The following SLC14A2 variants were observed in gnomAD, a reference collection of about 807,000 sequenced individuals.
SLC14A2 encodes the protein urea transporter 2.
SLC14A2 carries 91 observed loss-of-function variants against 104.6 expected under a neutral mutation model. The ratio of observed to expected loss-of-function variants is 0.87; its 90% CI spans 0.73 to 1.04. The LOEUF (loss-of-function observed/expected upper bound fraction) is 1.04, where lower values mean the gene tolerates loss of function less well. SLC14A2 is among the 50% of genes least tolerant of loss of function. The pLI is 0.00. For missense variants in SLC14A2, 1,189 were observed against 1,156.0 expected, an observed-to-expected ratio of 1.03 and a Z score of -0.41; for synonymous variants, 476 against 466.4, an observed-to-expected ratio of 1.02 and a Z score of -0.27.
intron 2 of SLC14A2, among the ~76,000 whole-genome samples, chr18:45,602,514 A>G (rs1232540306): frequency 6.6e-6 from 1 of 152,212 alleles, no homozygotes; most frequent in Non-Finnish European, 1.5e-5. Context: ...CCAAGGGTGG[A>G]GTTAGCATAG....
chr18:45,240,187 C>G (rs1216276646), intron 1 of SLC14A2, among the ~76,000 whole-genome samples: 1 of 148,934 alleles, frequency 6.7e-6, no homozygotes, highest in Non-Finnish European at 1.5e-5. Context: ...ACCTCTGCCT[C>G]CTGGGTTCAA....
intron 1 of SLC14A2, among the ~76,000 whole-genome samples, chr18:45,259,748 A>G (rs1270278331): frequency 6.6e-6 from 1 of 152,138 alleles, no homozygotes; most frequent in Non-Finnish European, 1.5e-5. Context: ...GAAGGGTAAT[A>G]TTTTATTTCT....
chr18:45,321,712 G>A (rs1217551065), intron 1 of SLC14A2, among the ~76,000 whole-genome samples: 6 of 152,316 alleles, frequency 3.9e-5, no homozygotes, highest in Non-Finnish European at 5.9e-5. Flanking sequence ...CAGTAATCAC[G>A]GAGGCAGGCA....
intron 1 of SLC14A2, among the ~76,000 whole-genome samples, chr18:45,465,700 C>A (rs945149083): frequency 6.6e-6 from 1 of 152,152 alleles, no homozygotes; most frequent in Non-Finnish European, 1.5e-5. Flanking sequence ...TAGGAGCCCA[C>A]CTGACCCAGG....
intron 1 of SLC14A2, among the ~76,000 whole-genome samples, chr18:45,396,174 T>C (rs942296822): frequency 1.3e-5 from 2 of 152,188 alleles, no homozygotes; most frequent in African/African-American, 4.8e-5. Flanking sequence ...TCTTTATGTT[T>C]ATCCTGATTA....
intron 2 of SLC14A2, among the ~76,000 whole-genome samples, chr18:45,540,755 CAATAAT>C (rs751389092): frequency 1.3e-5 from 2 of 151,860 alleles, no homozygotes; most frequent in East Asian, 1.9e-4. Context: ...AAATTAATAA[CAATAAT>C]AATAATAATC....
chr18:45,680,976 C>T (rs1051134259), intron 19 of SLC14A2, among the ~76,000 whole-genome samples: 4 of 152,132 alleles, frequency 2.6e-5, no homozygotes, highest in African/African-American at 4.8e-5. Context: ...TTCCCCAAGA[C>T]GCACCCAACG....
chr18:45,612,445 C>T (rs1311414958), upstream of SLC14A2, among the ~76,000 whole-genome samples: 1 of 152,218 alleles, frequency 6.6e-6, no homozygotes, highest in East Asian at 1.9e-4. Flanking sequence ...CCTGAAGATG[C>T]TCAGACACAC....
chr18:45,225,840 G>T (rs1038570245), intron 1 of SLC14A2, among the ~76,000 whole-genome samples: 3 of 152,154 alleles, frequency 2.0e-5, no homozygotes, highest in Non-Finnish European at 4.4e-5. Flanking sequence ...CACTGACTTT[G>T]TATCCTGAGA....
chr18:45,388,064 CTTTTTTTTTTTTTTTTTTTT>C (rs58962313), intron 1 of SLC14A2, among the ~76,000 whole-genome samples: 30 of 69,092 alleles, frequency 4.3e-4, no homozygotes, highest in Non-Finnish European at 6.1e-4. Context: ...TTGCTCATAT[CTTTTTTTTTTTTTTTTTTTT>C]TTTTTTTTTT....
the SLC14A2 span, among the ~76,000 whole-genome samples, chr18:45,202,546 A>G: frequency 1.3e-5 from 2 of 152,110 alleles, no homozygotes; most frequent in African/African-American, 4.8e-5. Context: ...TCGTTTTGTG[A>G]TAATCATAGC....
chr18:45,457,687 TAAAA>T (rs3058359), intron 1 of SLC14A2, among the ~76,000 whole-genome samples: 46 of 144,152 alleles, frequency 3.2e-4, no homozygotes, highest in Non-Finnish European at 3.8e-4. Flanking sequence ...TTATGGAGGT[TAAAA>T]AAAAAAAAAA....
At chr18:45,532,704 G>A (rs1186501778) in intron 2 of SLC14A2, among the ~76,000 whole-genome samples, 1 of 151,878 alleles carries the variant, frequency 6.6e-6, no homozygotes, top group East Asian at 1.9e-4. Flanking sequence ...TCTCCTGCCT[G>A]ATTGCCCTGG....
intron 1 of SLC14A2, among the ~76,000 whole-genome samples, chr18:45,460,722 T>C (rs903229947): frequency 2.0e-5 from 3 of 152,298 alleles, no homozygotes; most frequent in African/African-American, 7.2e-5. Context: ...TTTCATGTTC[T>C]TCCTCCCCTG....
rs562843779 is a variant in SLC14A2 at position 45,574,784 on chromosome 18, A to C, written c.-34-49847A>C. Among the ~76,000 whole-genome samples the C allele has an allele frequency of 5.3e-5, 8 of 152,300 alleles. No homozygotes were observed. The South Asian group carries it at 1.7e-3, about 32-fold the overall frequency. On this transcript the variant is annotated intron_variant, in intron 2 of 20. Coordinates refer to the SLC14A2 transcript ENST00000586448. ...TCAGAATTCTCAGCTTTCTGTAGCAAAGCTGGAGGCCTCTGGCCTATACCT... is the reference window on the plus strand; with the variant it reads ...TCAGAATTCTCAGCTTTCTGTAGCACAGCTGGAGGCCTCTGGCCTATACCT...
At chr18:45,423,531 AGT>A (rs1420835720) in intron 1 of SLC14A2, among the ~76,000 whole-genome samples, 1 of 152,178 alleles carries the variant, frequency 6.6e-6, no homozygotes, top group African/African-American at 2.4e-5. Flanking sequence ...AGGGTTCCTT[AGT>A]GAGCATCTGG....
intron 19 of SLC14A2, among the ~76,000 whole-genome samples, chr18:45,680,333 G>A (rs1411962505): frequency 6.6e-6 from 1 of 152,192 alleles, no homozygotes; most frequent in East Asian, 1.9e-4. Flanking sequence ...TGTTTTCAGA[G>A]AAGTTACAGA....
chr18:45,398,215 T>A lies in SLC14A2; in HGVS notation c.-124-85018T>A, dbSNP rs1039865382. ...GTTCTCATGGTGTTCTTTCTGAGTCTAAAGCTCTTGTCCTTTTCATCAACT... is the reference window on the plus strand; with the variant it reads ...GTTCTCATGGTGTTCTTTCTGAGTCAAAAGCTCTTGTCCTTTTCATCAACT... On this transcript the variant is annotated intron_variant, in intron 1 of 20. Coordinates refer to the SLC14A2 transcript ENST00000586448. 2.6e-5 allele frequency among the ~76,000 whole-genome samples: 4 copies of A among 152,314 alleles called. No individual in the cohort carries two copies. In the East Asian group the frequency reaches 7.7e-4, roughly 29 times the overall value.
intron 1 of SLC14A2, among the ~76,000 whole-genome samples, chr18:45,419,795 A>G (rs1380465819): frequency 6.6e-6 from 1 of 151,170 alleles, no homozygotes; most frequent in Non-Finnish European, 1.5e-5. Context: ...AAAAATCTCC[A>G]GTTTTATTTT....
Sources: gnomAD v4.1 joint callset for allele counts (sites outside exome capture counted in the v4.1 genomes callset) on GRCh38, gnomAD v4.1.1 for gene constraint, MANE v1.5 for transcripts, NCBI Gene and HGNC (gene_info 2026-07-23, HGNC 2026-07-21) for gene names.